The following TNRC6C variants were observed in gnomAD, a reference collection of about 807,000 sequenced individuals.
The protein encoded by TNRC6C is trinucleotide repeat containing adaptor 6C.
Under a neutral mutation model 153.7 loss-of-function variants are expected in TNRC6C, and 20 were observed. The observed-to-expected ratio is 0.13, with a 90% confidence interval of 0.09 to 0.19. The LOEUF is 0.19. TNRC6C is among the 10% of genes least tolerant of loss of function. The probability of loss-of-function intolerance (pLI) is 1.00; values close to 1 mark genes in which losing one functional copy is unlikely to be tolerated. For missense variants in TNRC6C, 1,987 were observed against 2,172.0 expected, an observed-to-expected ratio of 0.91 and a Z score of 1.69; for synonymous variants, 811 against 841.4, an observed-to-expected ratio of 0.96 and a Z score of 0.63.
chr17:78,093,704 C>T, exon 16 of TNRC6C: 1 of 1,613,978 alleles, frequency 6.2e-7, no homozygotes, highest in Non-Finnish European at 8.5e-7. Flanking sequence ...AGTGTCCCCA[C>T]TGGGCCTACC....
intron 5 of TNRC6C, 119 bp from the exon 8 acceptor site, chr17:78,070,966 T>A: frequency 2.1e-6 from 2 of 969,178 alleles, no homozygotes; most frequent in Non-Finnish European, 3.1e-6. Context: ...TATTCAATGT[T>A]AATACAAAAA....
chr17:78,105,226 CG>C (rs749479403), exon 20 of TNRC6C: 55 of 174,954 alleles, frequency 3.1e-4, no homozygotes, highest in Non-Finnish European at 5.1e-4. Context: ...GGGAGGGAGA[CG>C]TGAAGCCTAT....
intron 1 of TNRC6C, among the ~76,000 whole-genome samples, chr17:77,997,703 C>G (rs978326590): frequency 2.6e-5 from 4 of 151,964 alleles, no homozygotes; most frequent in Admixed American, 6.6e-5. Context: ...GTCACCCAGG[C>G]TGGAGTGCAG....
chr17:77,976,950 A>AC (rs1567896842), intron 1 of TNRC6C, among the ~76,000 whole-genome samples: 9 of 149,924 alleles, frequency 6.0e-5, no homozygotes, highest in African/African-American at 2.0e-4. Flanking sequence ...AAAAAAAAAA[A>AC]AAAAAAAAAA....
At chr17:78,076,777 CTG>C (rs1191572449) in intron 8 of TNRC6C, among the ~76,000 whole-genome samples, 1 of 152,188 alleles carries the variant, frequency 6.6e-6, no homozygotes. Context: ...TATGAAACTG[CTG>C]TGTTTGTAGG....
chr17:78,086,357 A>C lies in TNRC6C; in HGVS notation c.3478-146A>C, dbSNP rs929902790. The C allele has an allele frequency of 1.4e-4, 64 of 452,304 alleles. No individual in the cohort carries two copies. The East Asian group carries it at 2.5e-3, about 18-fold the overall frequency. 28.0% of individuals were successfully genotyped at this position (452,304 alleles called of 1,614,324 possible). A position where few individuals can be genotyped will look rare whatever the true frequency, so the allele number is the denominator to read the frequency against. ...AAAAAAAAAAAAAAAAAAAAAAAAA[A>C]AAACAGTATGTGTCAGCCACAGTAT... On this transcript the variant is annotated intron_variant, in intron 11 of 19. Coordinates refer to ENST00000301624, the Ensembl canonical transcript of TNRC6C.
intron 3 of TNRC6C, among the ~76,000 whole-genome samples, chr17:78,063,248 AAT>A (rs372831568): frequency 1.2e-4 from 18 of 146,862 alleles, no homozygotes; most frequent in East Asian, 2.0e-4. Flanking sequence ...CTGTCTCCAA[AAT>A]ATATATATAT....
At chr17:78,098,054 A>T (rs902600737) in intron 16 of TNRC6C, among the ~76,000 whole-genome samples, 193 bp downstream of exon 19, 3 of 152,216 alleles carry the variant, frequency 2.0e-5, no homozygotes, top group African/African-American at 7.2e-5. Flanking sequence ...TTGCACGCAC[A>T]TGGAAGTGGT....
At chr17:77,971,989 T>A (rs2070943632) in intron 1 of TNRC6C, among the ~76,000 whole-genome samples, 1 of 151,896 alleles carries the variant, frequency 6.6e-6, no homozygotes, top group African/African-American at 2.4e-5. Context: ...CACAGATCAG[T>A]CACTTAAGCT....
upstream of TNRC6C, among the ~76,000 whole-genome samples, chr17:77,999,630 C>T (rs2071381291): frequency 6.6e-6 from 1 of 152,300 alleles, no homozygotes; most frequent in South Asian, 2.1e-4. Flanking sequence ...TGGCTTAAAG[C>T]AGTGCACATC....
chr17:77,972,068 G>T (rs2070944169), intron 1 of TNRC6C, among the ~76,000 whole-genome samples: 1 of 152,052 alleles, frequency 6.6e-6, no homozygotes, highest in South Asian at 2.1e-4. Context: ...GTAGAGATTG[G>T]AGTGGAAACC....
chr17:77,987,441 T>A (rs530921469), intron 1 of TNRC6C, among the ~76,000 whole-genome samples: 2 of 152,320 alleles, frequency 1.3e-5, no homozygotes, highest in Non-Finnish European at 2.9e-5. Context: ...AACCCTTAAT[T>A]ATACCCTTTT....
chr17:78,032,216 A>AT (rs2072090196), intron 2 of TNRC6C, among the ~76,000 whole-genome samples: 1 of 152,176 alleles, frequency 6.6e-6, no homozygotes, highest in African/African-American at 2.4e-5. Flanking sequence ...GCACACAAGC[A>AT]TTTTTTGCAG....
chr17:78,027,518 G>T (rs2143653563), intron 1 of TNRC6C, among the ~76,000 whole-genome samples: 1 of 152,172 alleles, frequency 6.6e-6, no homozygotes, highest in Non-Finnish European at 1.5e-5. Context: ...AGAAATACTT[G>T]TAAAGCAAGG....
intron 1 of TNRC6C, among the ~76,000 whole-genome samples, chr17:78,028,590 T>C (rs371794914): frequency 2.6e-5 from 4 of 152,088 alleles, no homozygotes; most frequent in East Asian, 3.9e-4. Flanking sequence ...GTGTGGACAA[T>C]GTAGCGTTCA....
intron 1 of TNRC6C, among the ~76,000 whole-genome samples, chr17:77,963,409 G>GAT (rs1202192830): frequency 6.6e-6 from 1 of 152,122 alleles, no homozygotes; most frequent in Non-Finnish European, 1.5e-5. Flanking sequence ...CTCCACCTGG[G>GAT]ATATATATAA....
rs1163781340 is a variant in TNRC6C at position 77,978,087 on chromosome 17, CG to C, written c.-38+18823del. On this transcript the variant is annotated intron_variant, in intron 1 of 22. Transcript: ENST00000636222. ...ATTTTTTTTGTATTTTTAGTAGGCA[CG>C]GGGTTTCACCATGTTAGCCAGGATG... 2.6e-5 allele frequency among the ~76,000 whole-genome samples: 4 copies of C among 151,694 alleles called. No homozygotes were observed. The East Asian group carries it at 7.7e-4, about 29-fold the overall frequency.
At chr17:78,048,746 A>G (rs1168710525) in intron 2 of TNRC6C, 99 bp from the exon 5 acceptor site, 1 of 1,132,232 alleles carries the variant, frequency 8.8e-7, no homozygotes, top group Admixed American at 4.2e-5. Context: ...TCAGATTTGA[A>G]GACTTGAAAT....
intron 3 of TNRC6C, among the ~76,000 whole-genome samples, chr17:78,060,314 A>C (rs1052306836): frequency 6.6e-6 from 1 of 152,154 alleles, no homozygotes; most frequent in Non-Finnish European, 1.5e-5. Flanking sequence ...GCAAGTACCC[A>C]ACCAGCCATC....
Sources: allele counts gnomAD v4.1 joint callset (sites outside exome capture counted in the v4.1 genomes callset), GRCh38; gene constraint gnomAD v4.1.1; transcripts MANE v1.5; gene names NCBI Gene and HGNC (gene_info 2026-07-23, HGNC 2026-07-21).